The following GPR89B variants were observed in gnomAD, a reference collection of about 807,000 sequenced individuals.
GPR89B encodes the protein G protein-coupled receptor 89B.
A neutral mutation model predicts 52.4 loss-of-function variants in GPR89B; 25 were observed. That is an observed-to-expected ratio of 0.48 (90% CI 0.35 to 0.67). The LOEUF (loss-of-function observed/expected upper bound fraction) is 0.67, where lower values mean the gene tolerates loss of function less well. GPR89B is among the 30% of genes least tolerant of loss of function. The pLI is 0.01. For missense variants in GPR89B, 146 were observed against 450.2 expected (o/e 0.32, Z 6.11); for synonymous variants, 52 against 151.2 (o/e 0.34, Z 4.81).
chr1:147,973,247 C>A (rs1657602927), intron 10 of GPR89B, among the ~76,000 whole-genome samples: 1 of 151,746 alleles, frequency 6.6e-6, no homozygotes, highest in Non-Finnish European at 1.5e-5. Flanking sequence ...CTGTCTTCCA[C>A]AATGATTGAG....
the GPR89B span, among the ~76,000 whole-genome samples, chr1:148,003,613 C>T: frequency 6.6e-6 from 1 of 152,062 alleles, no homozygotes; most frequent in Non-Finnish European, 1.5e-5. Flanking sequence ...GCTGTGGAAA[C>T]TTTTGATGCC....
chr1:147,979,477 G>A (rs1658079335), intron 10 of GPR89B, among the ~76,000 whole-genome samples: 1 of 152,068 alleles, frequency 6.6e-6, no homozygotes, highest in African/African-American at 2.4e-5. Flanking sequence ...CTGCTCTTAG[G>A]GAGATAGCAT....
At chr1:147,968,259 G>A in intron 8 of GPR89B, 1 of 453,776 alleles carries the variant, frequency 2.2e-6, no homozygotes. Flanking sequence ...AGGCTTTGGA[G>A]GAAAAGAGGA....
intron 5 of GPR89B, among the ~76,000 whole-genome samples, chr1:147,949,533 G>A (rs1426361853): frequency 1.6e-5 from 2 of 121,694 alleles, no homozygotes; most frequent in East Asian, 2.6e-4. Flanking sequence ...GGGCAGAGGC[G>A]CCCCTCACCT....
intron 3 of GPR89B, among the ~76,000 whole-genome samples, chr1:147,940,115 A>G (rs1276193477): frequency 1.3e-5 from 2 of 151,778 alleles, no homozygotes; most frequent in Non-Finnish European, 2.9e-5. Flanking sequence ...TTAATAATCC[A>G]AACCTTGGCC....
At chr1:147,958,286 T>C (rs1656274138) in intron 7 of GPR89B, among the ~76,000 whole-genome samples, 1 of 152,050 alleles carries the variant, frequency 6.6e-6, no homozygotes, top group East Asian at 1.9e-4. Context: ...GAAAGATTTA[T>C]ATAAACAATA....
chr1:148,015,927 G>T, the GPR89B span, among the ~76,000 whole-genome samples: 16 of 151,878 alleles, frequency 1.1e-4, no homozygotes, highest in Non-Finnish European at 2.2e-4. Flanking sequence ...TTCCCTTAGG[G>T]CTTATAGCAA....
chr1:148,012,053 C>T, the GPR89B span: 9 of 151,826 alleles, frequency 5.9e-5, no homozygotes, highest in South Asian at 6.3e-4. Flanking sequence ...TTTTTCTTTG[C>T]GTTTTAATGA....
At chr1:148,007,052 A>G in the GPR89B span, among the ~76,000 whole-genome samples, 2 of 150,196 alleles carry the variant, frequency 1.3e-5, no homozygotes, top group Non-Finnish European at 3.0e-5. Flanking sequence ...CTGAACTGCC[A>G]GCATCACTAT....
the GPR89B span, among the ~76,000 whole-genome samples, chr1:148,012,573 C>T: frequency 6.6e-6 from 1 of 150,572 alleles, no homozygotes; most frequent in African/African-American, 2.5e-5. Context: ...GGAGAAGACC[C>T]ACACAGGCAA....
At chr1:148,024,885 A>G in the GPR89B span, among the ~76,000 whole-genome samples, 2 of 151,988 alleles carry the variant, frequency 1.3e-5, no homozygotes, top group Non-Finnish European at 2.9e-5. Flanking sequence ...CCTGCAGCAC[A>G]TGCTATTTTC....
intron 3 of GPR89B, among the ~76,000 whole-genome samples, chr1:147,940,683 A>G (rs1447437876): frequency 1.3e-5 from 2 of 152,194 alleles, no homozygotes; most frequent in Non-Finnish European, 2.9e-5. Context: ...GCAATATATA[A>G]ACAAACGAGC....
the GPR89B span, among the ~76,000 whole-genome samples, chr1:148,025,386 A>T: frequency 6.6e-6 from 1 of 151,526 alleles, no homozygotes; most frequent in Admixed American, 6.6e-5. Flanking sequence ...TGCCAGGCGC[A>T]GTGGCTCACA....
intron 5 of GPR89B, among the ~76,000 whole-genome samples, chr1:147,949,573 G>T (rs1360095096): frequency 1.0e-4 from 14 of 137,524 alleles, no homozygotes; most frequent in Admixed American, 2.7e-4. Flanking sequence ...CGGGCGGGGG[G>T]CTGACCCCCC....
the GPR89B span, chr1:148,012,006 G>C: frequency 6.6e-6 from 1 of 152,092 alleles, no homozygotes; most frequent in Non-Finnish European, 1.5e-5. Flanking sequence ...TCTAACAGTA[G>C]TTTAAAACAG....
intron 10 of GPR89B, among the ~76,000 whole-genome samples, chr1:147,976,052 G>C (rs1657803438): frequency 1.3e-5 from 2 of 152,388 alleles, no homozygotes; most frequent in East Asian, 1.9e-4. Context: ...TGCATTTGCT[G>C]AGGAGTGTTC....
chr1:147,998,865 C>A, the GPR89B span, among the ~76,000 whole-genome samples: 2 of 129,096 alleles, frequency 1.5e-5, no homozygotes, highest in Non-Finnish European at 3.1e-5. Flanking sequence ...TGGACAACAG[C>A]GGGAGACTCT....
intron 1 of GPR89B, 80 bp from the exon 2 acceptor site, chr1:147,936,547 C>A (rs201749300): frequency 4.1e-4 from 366 of 898,244 alleles, no homozygotes; most frequent in East Asian, 2.0e-3. Context: ...AGTTAGCAGA[C>A]CTTTTATCAT....
At chr1:147,993,958 A>T (rs1344578333), downstream of GPR89B, 1 of 314,398 alleles carries the variant, frequency 3.2e-6, no homozygotes, top group Non-Finnish European at 6.2e-6. Flanking sequence ...GCTGTCACCT[A>T]TACAGAGTTA....
Sources: gnomAD v4.1 joint callset for allele counts (sites outside exome capture counted in the v4.1 genomes callset) on GRCh38, gnomAD v4.1.1 for gene constraint, MANE v1.5 for transcripts, NCBI Gene and HGNC (gene_info 2026-07-23, HGNC 2026-07-21) for gene names.